SEC14L3: variants seen among roughly 807,000 people sequenced by gnomAD.
The protein encoded by SEC14L3 is SEC14 like lipid binding 3, also known as SEC14-like protein 3.
A neutral mutation model predicts 57.4 loss-of-function variants in SEC14L3; 56 were observed. The ratio of observed to expected loss-of-function variants is 0.97; its 90% CI spans 0.79 to 1.22. The LOEUF is 1.22. SEC14L3 is among the 50% of genes most tolerant of loss of function. The pLI is 0.00. For missense variants in SEC14L3, 485 were observed against 511.7 expected, an observed-to-expected ratio of 0.95 and a Z score of 0.50; for synonymous variants, 173 against 194.4, an observed-to-expected ratio of 0.89 and a Z score of 0.92.
At chr22:30,450,657 G>T (rs11089450) in intron 12 of SEC14L3, among the ~76,000 whole-genome samples, 36,851 of 151,968 alleles carry the variant, frequency 0.24, 4,849 homozygotes, top group South Asian at 0.48. Context: ...TCCGTTTCAA[G>T]TTATGGGACC....
intron 8 of SEC14L3, among the ~76,000 whole-genome samples, chr22:30,462,701 G>A (rs995978982): frequency 6.6e-6 from 1 of 151,652 alleles, no homozygotes; most frequent in African/African-American, 2.4e-5. Context: ...GGGATTACAG[G>A]TGTAAGCCAC....
At position 30,464,611 on chromosome 22, in the gene SEC14L3, TGTAGAGA is replaced by T. The variant is rs1403287355; in HGVS notation, c.664+202_664+208del. Among the ~76,000 whole-genome samples, 3 of 152,228 alleles carry T rather than the reference TGTAGAGA, an allele frequency of 2.0e-5. No homozygotes were observed. The East Asian group carries it at 5.8e-4, about 29-fold the overall frequency. On this transcript the variant is annotated intron_variant, in intron 8 of 11. Transcript: ENST00000215812. ...ACAACCAGCTAATTTTTAAATTTTT[TGTAGAGA>T]TGGGGTCTTGCTATGTTGCTGTGGC... is the stretch of plus-strand genomic sequence containing the variant.
Position 30,461,346 on chromosome 22 carries a change from C to T in SEC14L3, c.1045G>A (p.Glu349Lys), listed in dbSNP as rs376914602. Residue 349 changes from glutamate (E) to lysine (K), a missense_variant, in exon 11 of 12, where the codon GAG becomes AAG. By Grantham distance (56) the Glu-to-Lys change is moderately conservative (BLOSUM62 1). Coordinates refer to ENST00000215812, the MANE Select transcript of SEC14L3 (RefSeq NM_174975.5). ...SQRYNAHMVP[E>K]DGNLTCSEAG... is the part of the protein sequence containing the mutation. ...TCTGAGCAGGTGAGGTTCCCATCCT[C>T]GGGCACCATGTGGGCGTTATAGCGC... The T allele has an allele frequency of 4.0e-5, 64 of 1,610,536 alleles. 1 individual carries two copies. The highest frequency in any genetic ancestry group is 1.5e-4 in the Admixed American group (9 of 59,678).
rs372714904 is a variant in SEC14L3 at position 30,461,361 on chromosome 22, C to A, written c.1030G>T (p.Ala344Ser). Residue 344 changes from alanine (A) to serine (S), a missense_variant, in exon 11 of 12, where the codon GCC becomes TCC. Ala to Ser is a moderately conservative substitution (Grantham distance 99). Transcript: ENST00000215812. ...TDVLPSQRYN[A>S]HMVPEDGNLT... ...TTCCCATCCTCGGGCACCATGTGGG[C>A]GTTATAGCGCTGGCTGGGTAGAACA... 3.1e-6 allele frequency: 5 copies of A among 1,613,088 alleles called. No homozygotes were observed. Among genetic ancestry groups the A allele is most frequent in the Non-Finnish European group, 4.2e-6 (5 of 1,179,478 alleles).
At chr22:30,452,759 G>C (rs1935014140) in intron 12 of SEC14L3, among the ~76,000 whole-genome samples, 1 of 149,244 alleles carries the variant, frequency 6.7e-6, no homozygotes, top group Non-Finnish European at 1.5e-5. Flanking sequence ...TGTCACCCAG[G>C]CTAAAGTGCA....
chr22:30,471,780 A>T (rs950150325), intron 1 of SEC14L3, 125 bp downstream of exon 1: 1 of 1,381,928 alleles, frequency 7.2e-7, no homozygotes, highest in Non-Finnish European at 1.0e-6. Flanking sequence ...TTGGGAGGTA[A>T]CACCAAAGAG....
Position 30,459,850 on chromosome 22 carries a change from C to T in SEC14L3, c.*171G>A. ...ACCCTCCAAGGTTGTGCCTCTCATA[C>T]CTTTCTTGATCTGACCACAGTAGAT... On this transcript the variant is annotated 3_prime_UTR_variant, in exon 12 of 12. Coordinates refer to ENST00000215812, the MANE Select transcript of SEC14L3 (RefSeq NM_174975.5). The T allele has an allele frequency of 1.5e-6, 2 of 1,350,458 alleles. No homozygotes were observed. The highest frequency in any genetic ancestry group is 2.7e-5 in the East Asian group (1 of 37,612). The allele number at this position is 1,350,458 out of a possible 1,614,324, so 83.7% of individuals were successfully genotyped here.
At position 30,459,252 on chromosome 22, in the gene SEC14L3, A is replaced by C. The variant is rs1935176330; in HGVS notation, c.*769T>G. The stretch of plus-strand genomic sequence containing the variant: ...AATGATAGTTGTTTTCTTTATTATG[A>C]TTATGCCAGATGTGACTGCCTTTGC... On this transcript the variant is annotated 3_prime_UTR_variant, in exon 12 of 12. Coordinates refer to ENST00000215812, the MANE Select transcript of SEC14L3 (RefSeq NM_174975.5). The C allele has an allele frequency of 1.0e-6, 1 of 984,760 alleles. No homozygotes were observed. The highest frequency in any genetic ancestry group is 1.7e-5 in the African/African-American group (1 of 57,202). The allele number at this position is 984,760 out of a possible 1,614,324, so 61.0% of individuals were successfully genotyped here. A position where few individuals can be genotyped will look rare whatever the true frequency, so the allele number is the denominator to read the frequency against.
rs763222905 is a variant in SEC14L3 at position 30,461,391 on chromosome 22, T to A, written c.1000A>T (p.Thr334Ser). 33 of 1,613,954 alleles carry A rather than the reference T, an allele frequency of 2.0e-5. No individual in the cohort carries two copies. Among genetic ancestry groups the A allele is most frequent in the Non-Finnish European group, 2.7e-5 (32 of 1,179,968 alleles). The change falls in exon 11 of 12, where the codon ACA becomes TCA. Residue 334 changes from threonine (T) to serine (S), a missense_variant. Thr to Ser is a moderately conservative substitution (Grantham distance 58). Coordinates refer to ENST00000215812, the MANE Select transcript of SEC14L3 (RefSeq NM_174975.5). Reference sequence around the variant, plus strand: ...TAGCGCTGGCTGGGTAGAACATCTGTCATCTCCCCTGCCCGCTGTCGCTCC... The same window carrying A: ...TAGCGCTGGCTGGGTAGAACATCTGACATCTCCCCTGCCCGCTGTCGCTCC... The part of the protein sequence containing the change: ...MGERQRAGEM[T>S]DVLPSQRYNA...
Position 30,468,623 on chromosome 22 carries a change from A to G in SEC14L3, c.308T>C (p.Ile103Thr), listed in dbSNP as rs4820853. The change falls in exon 5 of 12, where the codon ATT (isoleucine) becomes ACT (threonine). Residue 103 changes from isoleucine (I) to threonine (T), a missense_variant. Ile to Thr is a moderately conservative substitution (Grantham distance 89). Transcript: ENST00000215812. ...RDGCPVWYDI[I>T]GPLDPKGLLF... The stretch of plus-strand genomic sequence containing the variant: ...CAACCCCTTGGGATCAAGTGGCCCA[A>G]TGATGTCATACCACACGGGGCAGCC... 573,500 of 1,613,368 alleles carry G rather than the reference A, an allele frequency of 0.36. 106,381 individuals carry two copies. Among genetic ancestry groups the G allele is most frequent in the South Asian group, 0.6 (54,469 of 91,016 alleles).
downstream of SEC14L3, chr22:30,459,148 T>C: frequency 2.0e-6 from 1 of 508,674 alleles, no homozygotes; most frequent in Non-Finnish European, 2.5e-6. Flanking sequence ...TAAAGGGCCT[T>C]GGGGATGGCA....
At chr22:30,455,210 A>T (rs1935098635), downstream of SEC14L3, among the ~76,000 whole-genome samples, 1 of 88,262 alleles carries the variant, frequency 1.1e-5, no homozygotes, top group African/African-American at 3.8e-5. Context: ...AATTAATATA[A>T]ATATTAAATA....
At chr22:30,465,346 C>A (rs1013456253) in intron 7 of SEC14L3, among the ~76,000 whole-genome samples, 1 of 152,198 alleles carries the variant, frequency 6.6e-6, no homozygotes, top group Admixed American at 6.5e-5. Context: ...ATGGAACAGC[C>A]AGATAACCAC....
At chr22:30,470,715 T>C in intron 1 of SEC14L3, 133 bp from the exon 2 acceptor site, 1 of 1,505,742 alleles carries the variant, frequency 6.6e-7, no homozygotes, top group Non-Finnish European at 8.9e-7. Flanking sequence ...GATGGGTTAA[T>C]GGTTGAATAG....
chr22:30,454,765 T>C (rs866817855), downstream of SEC14L3, among the ~76,000 whole-genome samples: 47 of 83,078 alleles, frequency 5.7e-4, no homozygotes, highest in South Asian at 8.8e-3. Flanking sequence ...TAATATATAA[T>C]ATATAATATA....
chr22:30,466,895 A>C, intron 6 of SEC14L3, 87 bp downstream of exon 6: 1 of 1,301,612 alleles, frequency 7.7e-7, no homozygotes, highest in South Asian at 1.4e-5. Context: ...TTTAAACTAA[A>C]TCTTGGCTCT....
intron 3 of SEC14L3, 60 bp from the exon 4 acceptor site, chr22:30,470,138 G>A (rs1388723623): frequency 1.9e-6 from 3 of 1,611,606 alleles, no homozygotes; most frequent in African/African-American, 2.7e-5. Context: ...GAACAGGGAT[G>A]GAAGGAGGGG....
chr22:30,455,081 TAA>T (rs1297944451), downstream of SEC14L3, among the ~76,000 whole-genome samples: 1 of 56,876 alleles, frequency 1.8e-5, no homozygotes, highest in African/African-American at 1.1e-4. Flanking sequence ...TATAATATAT[TAA>T]ATATTTAATA....
intron 12 of SEC14L3, among the ~76,000 whole-genome samples, chr22:30,451,991 C>CAAAAAAAAAAAAAAAAAA (rs34799395): frequency 8.9e-5 from 3 of 33,792 alleles, no homozygotes; most frequent in East Asian, 1.4e-3. Flanking sequence ...GACTCCATCT[C>CAAAAAAAAAAAAAAAAAA]AAAAAAAAAA....
Sources: gnomAD v4.1 joint callset for allele counts (sites outside exome capture counted in the v4.1 genomes callset) on GRCh38, gnomAD v4.1.1 for gene constraint, MANE v1.5 for transcripts, NCBI Gene and HGNC (gene_info 2026-07-23, HGNC 2026-07-21) for gene names.